ITGB2: variants seen among roughly 807,000 people sequenced by gnomAD.
The protein encoded by ITGB2 is integrin beta-2.
In ITGB2, 56 loss-of-function variants were observed where a neutral mutation model predicts 86.8. The ratio of observed to expected loss-of-function variants is 0.65; its 90% CI spans 0.52 to 0.81. The LOEUF is 0.81. ITGB2 is among the 30% of genes least tolerant of loss of function. The pLI, the probability that ITGB2 is intolerant of heterozygous loss-of-function variation, is 0.00. For synonymous variants in ITGB2, 457 were observed against 450.4 expected (o/e 1.01, Z -0.19); for missense variants, 948 against 1,061.2 (o/e 0.89, Z 1.48).
chr21:44,894,083 T>C (rs2083828365), intron 9 of ITGB2: 1 of 237,952 alleles, frequency 4.2e-6, no homozygotes, highest in African/African-American at 2.2e-5. Context: ...GACAGGTTCA[T>C]AGGGGCATCG....
At position 44,918,217 on chromosome 21, in the gene ITGB2, G is replaced by A. The variant is rs150183880; in HGVS notation, c.-4+2604C>T. On this transcript the variant is annotated intron_variant, in intron 1 of 15. Coordinates refer to ENST00000652462, the MANE Select transcript of ITGB2 (RefSeq NM_000211.5). Reference sequence around the variant, plus strand: ...CCTGTGGCAGCTGGCATTCTCCTCCGGGAACGGGAGCCAGCCTCCGGTGAC... The same window carrying A: ...CCTGTGGCAGCTGGCATTCTCCTCCAGGAACGGGAGCCAGCCTCCGGTGAC... Among the ~76,000 whole-genome samples the A allele has an allele frequency of 2.2e-3, 342 of 152,360 alleles. 2 individuals carry two copies. The highest frequency in any genetic ancestry group is 3.8e-3 in the Admixed American group (58 of 15,306).
intron 1 of ITGB2, among the ~76,000 whole-genome samples, chr21:44,916,713 C>T (rs1012231280): frequency 6.6e-6 from 1 of 151,690 alleles, no homozygotes; most frequent in Non-Finnish European, 1.5e-5. Flanking sequence ...ACTAAAAATA[C>T]ATAAATTAGC....
chr21:44,908,560 C>A (rs995717321), intron 3 of ITGB2, among the ~76,000 whole-genome samples: 9 of 152,202 alleles, frequency 5.9e-5, no homozygotes, highest in African/African-American at 2.2e-4. Flanking sequence ...CTATCACAAC[C>A]CTTTCATGTG....
chr21:44,907,834 G>A (rs1002833790), intron 3 of ITGB2, among the ~76,000 whole-genome samples: 1 of 152,204 alleles, frequency 6.6e-6, no homozygotes, highest in Non-Finnish European at 1.5e-5. Context: ...GGGAGGGGAG[G>A]GCGACAGTCC....
chr21:44,919,862 CA>C (rs1239668525), intron 1 of ITGB2, among the ~76,000 whole-genome samples: 4 of 151,610 alleles, frequency 2.6e-5, no homozygotes, highest in East Asian at 1.9e-4. Context: ...GGGGTGGTGC[CA>C]GGGGTGGAGG....
At chr21:44,901,010 G>A (rs2083948557) in intron 6 of ITGB2, among the ~76,000 whole-genome samples, 1 of 152,216 alleles carries the variant, frequency 6.6e-6, no homozygotes, top group Non-Finnish European at 1.5e-5. Flanking sequence ...GTGAGGGGAG[G>A]ACAGTGCATG....
intron 1 of ITGB2, among the ~76,000 whole-genome samples, chr21:44,918,250 C>T (rs1795496197): frequency 6.6e-6 from 1 of 152,246 alleles, no homozygotes; most frequent in South Asian, 2.1e-4. Flanking sequence ...GACATGGCCT[C>T]AGGCAGGACC....
At chr21:44,911,244 A>C in intron 1 of ITGB2, 1 of 265,012 alleles carries the variant, frequency 3.8e-6, no homozygotes, top group Non-Finnish European at 7.6e-6. Context: ...CCCGCAAGAC[A>C]CTACACACCA....
chr21:44,899,342 G>A (rs1005390198), intron 7 of ITGB2, among the ~76,000 whole-genome samples, 180 bp from the exon 8 acceptor site: 2 of 152,234 alleles, frequency 1.3e-5, no homozygotes, highest in African/African-American at 4.8e-5. Context: ...ACGCCCTCTG[G>A]GCAATGTGTG....
rs190244061 is a variant in ITGB2 at position 44,892,578 on chromosome 21, C to T, written c.1225-582G>A. 5.6e-3 allele frequency among the ~76,000 whole-genome samples: 748 copies of T among 133,946 alleles called. 5 individuals carry two copies. The highest frequency in any genetic ancestry group is 0.02 in the African/African-American group (690 of 34,082). The allele number at this position is 133,946 out of a possible 152,430, so 87.9% of individuals were successfully genotyped here. A position where few individuals can be genotyped will look rare whatever the true frequency, so the allele number is the denominator to read the frequency against. ...CAAGATCGCACCAGTGCACTCCAGC[C>T]TGGGCGACAGAGCGAAACTCCATCT... On this transcript the variant is annotated intron_variant, in intron 10 of 15. Transcript: ENST00000652462.
intron 12 of ITGB2, 130 bp downstream of exon 12, chr21:44,889,848 C>G: frequency 7.3e-7 from 1 of 1,367,906 alleles, no homozygotes; most frequent in Non-Finnish European, 1.0e-6. Context: ...GGTGGCTGGG[C>G]GAGACTTGCA....
At chr21:44,890,822 G>T (rs571955839) in intron 11 of ITGB2, among the ~76,000 whole-genome samples, 1 of 152,220 alleles carries the variant, frequency 6.6e-6, no homozygotes, top group African/African-American at 2.4e-5. Flanking sequence ...AGTACCTGTG[G>T]CAGGGCACCC....
intron 9 of ITGB2, 93 bp downstream of exon 9, chr21:44,894,878 C>G: frequency 2.2e-6 from 2 of 922,178 alleles, no homozygotes; most frequent in Non-Finnish European, 3.6e-6. Context: ...CCTCCCAGAC[C>G]ACCCTCCTGC....
chr21:44,901,980 G>A (rs2083967012), intron 5 of ITGB2: 4 of 559,592 alleles, frequency 7.1e-6, no homozygotes, highest in Non-Finnish European at 1.3e-5. Context: ...GTATGCATGT[G>A]TGTTCCTGCA....
intron 13 of ITGB2, 126 bp downstream of exon 13, chr21:44,889,150 G>C: frequency 1.1e-6 from 1 of 929,866 alleles, no homozygotes; most frequent in South Asian, 1.5e-5. Flanking sequence ...CCTCAGTCCA[G>C]ACGCACCCGC....
chr21:44,903,217 A>C (rs1217359360), intron 5 of ITGB2, 148 bp downstream of exon 5: 1 of 859,708 alleles, frequency 1.2e-6, no homozygotes, highest in Non-Finnish European at 1.9e-6. Flanking sequence ...GGCCGACTGC[A>C]GCCCTGTGGA....
rs202025124 is a variant in ITGB2, at chr21:44,889,394, G to A, written c.1759C>T (p.Arg587Cys). The A allele has an allele frequency of 3.0e-5, 48 of 1,612,764 alleles. No individual in the cohort carries two copies. Among genetic ancestry groups the A allele is most frequent in the Admixed American group, 1.3e-4 (8 of 59,978 alleles). Residue 587 changes from arginine (R) to cysteine (C), a missense_variant, in exon 13 of 16, where the codon CGT (arginine) becomes TGT (cysteine). Transcript: ENST00000652462. The part of the protein sequence containing the change: ...RTTEGCLNPR[R>C]VECSGRGRCR... ...CGGCCACGACCACTACACTCAACAC[G>A]CCGCGGGTTCAGGCAGCCCTCAGTG...
chr21:44,902,442 CGTGTGAGCATACATTCAT>C (rs987654417), intron 5 of ITGB2, among the ~76,000 whole-genome samples: 34 of 144,626 alleles, frequency 2.4e-4, no homozygotes, highest in Non-Finnish European at 7.5e-5. Context: ...CATGCATTTG[CGTGTGAGCATACATTCAT>C]GTGTGAGCAT....
At chr21:44,893,926 C>A (rs1383093932) in intron 9 of ITGB2, 5 of 332,850 alleles carry the variant, frequency 1.5e-5, no homozygotes, top group African/African-American at 4.3e-5. Flanking sequence ...AGAGCCAGAG[C>A]CAGAGACAGA....
Sources: gnomAD v4.1 joint callset for allele counts (sites outside exome capture counted in the v4.1 genomes callset) on GRCh38, gnomAD v4.1.1 for gene constraint, MANE v1.5 for transcripts, NCBI Gene and HGNC (gene_info 2026-07-23, HGNC 2026-07-21) for gene names.